Variants in RNF128 observed in about 807,000 individuals in gnomAD.
RNF128 encodes the protein ring finger protein 128.
Under a neutral mutation model 26.2 loss-of-function variants are expected in RNF128, and 13 were observed. That is an observed-to-expected ratio of 0.50 (90% CI 0.32 to 0.79). The LOEUF is 0.79. RNF128 is among the 30% of genes least tolerant of loss of function. The pLI, the probability that RNF128 is intolerant of heterozygous loss-of-function variation, is 0.03. For missense variants in RNF128, 315 were observed against 349.7 expected (o/e 0.90, Z 0.79); for synonymous variants, 149 against 142.5 (o/e 1.05, Z -0.32).
intron 1 of RNF128, among the ~76,000 whole-genome samples, chrX:106,739,834 A>G (rs1039333176): frequency 5.4e-5 from 6 of 111,333 alleles, no homozygotes; most frequent in African/African-American, 2.0e-4. Flanking sequence ...TACCTATATG[A>G]TACCAAAAGT....
chrX:106,712,486 C>T, intron 1 of RNF128, among the ~76,000 whole-genome samples: 1 of 112,508 alleles, frequency 8.9e-6, no homozygotes, highest in East Asian at 2.8e-4. Flanking sequence ...TGATAAATCA[C>T]TAACACTTTG....
At position 106,788,986 on chromosome X, in the gene RNF128, C is replaced by T. The variant is rs1395979259; in HGVS notation, c.887+986C>T. Among the ~76,000 whole-genome samples the T allele has an allele frequency of 3.9e-5, 3 of 76,494 alleles. No homozygotes were observed. In the East Asian group the frequency reaches 1.2e-3, roughly 31 times the overall value. 66.4% of individuals were successfully genotyped at this position (76,494 alleles called of 115,157 possible). On this transcript the variant is annotated intron_variant, in intron 4 of 6. Transcript: ENST00000255499. ...CATGTACATATATATACTATATGTA[C>T]AGTATATATACTATATACTGAGTAT...
intron 6 of RNF128, among the ~76,000 whole-genome samples, chrX:106,794,642 C>T (rs780828905): frequency 5.4e-5 from 6 of 110,666 alleles, no homozygotes; most frequent in African/African-American, 1.3e-4. Context: ...TTATTGCTAC[C>T]GGGGTGTCAT....
In RNF128 at chrX:106,772,866, C is replaced by T. The variant is rs185009682; in HGVS notation, c.485-47C>T. ...TCATTTTAGCAATTGGGTTATTATA[C>T]TAAGAATGTTTCACCAAACTAAAAC... On this transcript the variant is annotated intron_variant, in intron 1 of 6. Transcript: ENST00000255499. 5.0e-4 allele frequency: 577 copies of T among 1,163,894 alleles called. 2 individuals carry two copies. In the African/African-American group the frequency reaches 8.1e-3, roughly 16 times the overall value.
intron 4 of RNF128, among the ~76,000 whole-genome samples, chrX:106,789,064 AATAGTGTATATATACTATATAGTAT>A (rs1175792753): frequency 3.5e-4 from 30 of 84,977 alleles, no homozygotes; most frequent in Non-Finnish European, 6.0e-4. Context: ...TATAGTATAC[AATAGTGTATATATACTATATAGTAT>A]ATAGTATATA....
At chrX:106,778,286 A>G (rs972040813) in intron 2 of RNF128, among the ~76,000 whole-genome samples, 1 of 111,939 alleles carries the variant, frequency 8.9e-6, no homozygotes, top group African/African-American at 3.3e-5. Flanking sequence ...AACTATACTG[A>G]CTACTGTACC....
chrX:106,722,300 G>A (rs1929326545), upstream of RNF128, among the ~76,000 whole-genome samples: 1 of 111,722 alleles, frequency 9.0e-6, no homozygotes, highest in African/African-American at 3.3e-5. Flanking sequence ...CTAGCTACCT[G>A]TCAGGAATAC....
chrX:106,769,816 C>T (rs895454063), intron 1 of RNF128, among the ~76,000 whole-genome samples: 1 of 110,501 alleles, frequency 9.0e-6, no homozygotes, highest in South Asian at 3.8e-4. Flanking sequence ...TTATTTTGCT[C>T]GTTAGTTGAT....
chrX:106,761,276 T>A (rs1377205090), intron 1 of RNF128, among the ~76,000 whole-genome samples: 1 of 111,686 alleles, frequency 9.0e-6, no homozygotes, highest in Admixed American at 9.5e-5. Flanking sequence ...AGTCAAAAAA[T>A]AACAGATGTT....
chrX:106,728,132 G>T (rs1005693281), intron 1 of RNF128, among the ~76,000 whole-genome samples: 1 of 111,960 alleles, frequency 8.9e-6, no homozygotes, highest in African/African-American at 3.2e-5. Context: ...GAGATGGTAT[G>T]AGGTTACTAT....
Position 106,788,434 on chromosome X carries a change from A to ATAT in RNF128, c.887+434_887+435insTAT, listed in dbSNP as rs1930720621. On this transcript the variant is annotated intron_variant, in intron 4 of 6. Coordinates refer to ENST00000255499, the MANE Select transcript of RNF128 (RefSeq NM_194463.2). Reference sequence around the variant, plus strand: ...ATAATATATAATATATATTATATATAATATTATTATAATTATAATATATAT... The same window carrying ATAT: ...ATAATATATAATATATATTATATATATATATATTATTATAATTATAATATATAT... Among the ~76,000 whole-genome samples, 4 of 45,759 alleles carry ATAT rather than the reference A, an allele frequency of 8.7e-5. No homozygotes were observed. The Admixed American group carries it at 1.3e-3, about 15-fold the overall frequency. The allele number at this position is 45,759 out of a possible 115,157, so 39.7% of individuals were successfully genotyped here. A position where few individuals can be genotyped will look rare whatever the true frequency, so the allele number is the denominator to read the frequency against.
intron 1 of RNF128, among the ~76,000 whole-genome samples, chrX:106,696,755 T>C (rs1928879346): frequency 9.0e-6 from 1 of 111,707 alleles, no homozygotes; most frequent in East Asian, 2.8e-4. Context: ...ATGTTGTGTC[T>C]CTCTGCTTCT....
intron 1 of RNF128, among the ~76,000 whole-genome samples, chrX:106,700,689 A>G (rs1928944196): frequency 8.9e-6 from 1 of 112,034 alleles, no homozygotes; most frequent in Non-Finnish European, 1.9e-5. Context: ...TCAAGAGATA[A>G]CTATTGCTAT....
rs150895665 is a variant in RNF128 at position 106,754,410 on chromosome X, C to CTTTTTTTTTTTT, written c.485-18483_485-18472dup. Among the ~76,000 whole-genome samples, 15 of 35,746 alleles carry CTTTTTTTTTTTT rather than the reference C, an allele frequency of 4.2e-4. 2 individuals are homozygous for CTTTTTTTTTTTT. The highest frequency in any genetic ancestry group is 1.7e-3 in the African/African-American group (13 of 7,545). The allele number at this position is 35,746 out of a possible 115,157, so 31.0% of individuals were successfully genotyped here. ...CCACACCTGGCAATGTTTTCTTTCT[C>CTTTTTTTTTTTT]TTTTTTTTTTTTTTTTTTTTTTTTT... is the stretch of plus-strand genomic sequence containing the variant. On this transcript the variant is annotated intron_variant, in intron 1 of 6. Coordinates refer to ENST00000255499, the MANE Select transcript of RNF128 (RefSeq NM_194463.2).
intron 1 of RNF128, among the ~76,000 whole-genome samples, chrX:106,715,083 G>T (rs1294110461): frequency 8.9e-6 from 1 of 111,804 alleles, no homozygotes; most frequent in Non-Finnish European, 1.9e-5. Context: ...TGAAATTGGT[G>T]AGTTGGATGT....
Position 106,733,425 on chromosome X carries a change from T to C in RNF128, c.484+6028T>C, listed in dbSNP as rs190781227. On this transcript the variant is annotated intron_variant, in intron 1 of 6. Coordinates refer to ENST00000255499, the MANE Select transcript of RNF128 (RefSeq NM_194463.2). Reference sequence around the variant, plus strand: ...AAAAGAGGAGAGTACTAAAGACATTTTCTAAGTAATTTTCTGATTATAAAA... The same window carrying C: ...AAAAGAGGAGAGTACTAAAGACATTCTCTAAGTAATTTTCTGATTATAAAA... Among the ~76,000 whole-genome samples, 192 of 111,718 alleles carry C rather than the reference T, an allele frequency of 1.7e-3. 1 individual carries two copies. The highest frequency in any genetic ancestry group is 5.9e-3 in the African/African-American group (183 of 30,786).
intron 2 of RNF128, among the ~76,000 whole-genome samples, chrX:106,778,693 C>G (rs904232029): frequency 1.8e-5 from 2 of 111,378 alleles, no homozygotes; most frequent in African/African-American, 6.5e-5. Flanking sequence ...AGTCTTGGAC[C>G]CCAACACTTA....
intron 2 of RNF128, among the ~76,000 whole-genome samples, chrX:106,783,893 A>G (rs1930607008): frequency 9.1e-6 from 1 of 110,266 alleles, no homozygotes; most frequent in Non-Finnish European, 1.9e-5. Context: ...GGAACTGAGA[A>G]CTCACTCATT....
chrX:106,774,363 A>C (rs1692340483), intron 2 of RNF128, among the ~76,000 whole-genome samples: 1 of 111,481 alleles, frequency 9.0e-6, no homozygotes. Flanking sequence ...TAACTCTTTC[A>C]CTCAGGTATA....
Sources: allele counts gnomAD v4.1 joint callset (sites outside exome capture counted in the v4.1 genomes callset), GRCh38; gene constraint gnomAD v4.1.1; transcripts MANE v1.5; gene names NCBI Gene and HGNC (gene_info 2026-07-23, HGNC 2026-07-21).